Variants in ARHGAP39 observed in about 807,000 individuals in gnomAD.
ARHGAP39 encodes the protein rho GTPase-activating protein 39.
In ARHGAP39, 44 loss-of-function variants were observed where a neutral mutation model predicts 106.9. That is an observed-to-expected ratio of 0.41 (90% CI 0.32 to 0.53). The LOEUF is 0.53. ARHGAP39 is among the 20% of genes least tolerant of loss of function. The probability of loss-of-function intolerance (pLI) is 0.21; values close to 1 mark genes in which losing one functional copy is unlikely to be tolerated. For synonymous variants in ARHGAP39, 768 were observed against 693.2 expected (o/e 1.11, Z -1.69); for missense variants, 1,496 against 1,577.3 (o/e 0.95, Z 0.87).
intron 1 of ARHGAP39, among the ~76,000 whole-genome samples, chr8:144,653,565 G>A (rs1016984953): frequency 1.3e-5 from 2 of 152,140 alleles, no homozygotes; most frequent in African/African-American, 2.4e-5. Context: ...CTGGCCATCA[G>A]AGACTCTGAA....
At chr8:144,640,278 A>C (rs956587504) in intron 1 of ARHGAP39, among the ~76,000 whole-genome samples, 3 of 152,144 alleles carry the variant, frequency 2.0e-5, no homozygotes, top group Admixed American at 1.3e-4. Flanking sequence ...CTGTGTCCCC[A>C]CCCAAATCTC....
At chr8:144,692,887 G>A in the ARHGAP39 span, among the ~76,000 whole-genome samples, 1 of 150,424 alleles carries the variant, frequency 6.6e-6, no homozygotes, top group African/African-American at 2.5e-5. Flanking sequence ...AGCCTCCCGA[G>A]TAGCTGGGAT....
intron 4 of ARHGAP39, among the ~76,000 whole-genome samples, chr8:144,553,825 G>A (rs980264437): frequency 3.3e-5 from 5 of 152,242 alleles, no homozygotes; most frequent in East Asian, 1.9e-4. Context: ...GGGCTGGGCC[G>A]CCCAACGCAG....
the ARHGAP39 span, among the ~76,000 whole-genome samples, chr8:144,695,623 C>A: frequency 6.6e-6 from 1 of 152,112 alleles, no homozygotes; most frequent in African/African-American, 2.4e-5. Context: ...TTCTCTCGGC[C>A]TTGAAGAAGG....
At chr8:144,571,051 G>C (rs112412215) in intron 3 of ARHGAP39, among the ~76,000 whole-genome samples, 138 of 152,270 alleles carry the variant, frequency 9.1e-4, no homozygotes, top group African/African-American at 3.0e-3. Flanking sequence ...TCTACCAGAG[G>C]TACAGAGAGG....
In ARHGAP39 at chr8:144,591,030, G is replaced by C. The variant is rs1445558935; in HGVS notation, c.81-9753C>G. 2.0e-5 allele frequency among the ~76,000 whole-genome samples: 3 copies of C among 152,184 alleles called. No individual in the cohort carries two copies. The highest frequency in any genetic ancestry group is 4.4e-5 in the Non-Finnish European group (3 of 68,034). On this transcript the variant is annotated intron_variant, in intron 2 of 11. Transcript: ENST00000377307. The surrounding 1 kb of genome is among the most constrained non-coding windows in gnomAD (Gnocchi z 5.3). ...ACAGCTGGCACTGACCCTGGAGTGG[G>C]GCAATTCCTGGCAAAGCCCCCATCC... is the stretch of plus-strand genomic sequence containing the variant.
intron 1 of ARHGAP39, among the ~76,000 whole-genome samples, chr8:144,643,684 T>C (rs1338114504): frequency 6.6e-6 from 1 of 152,140 alleles, no homozygotes; most frequent in African/African-American, 2.4e-5. Flanking sequence ...TCCAGAGGAT[T>C]GTACTCAATG....
At chr8:144,618,803 C>T (rs1016830014) in intron 1 of ARHGAP39, among the ~76,000 whole-genome samples, 2 of 152,254 alleles carry the variant, frequency 1.3e-5, no homozygotes, top group Non-Finnish European at 2.9e-5. Context: ...CCCCAGCCCC[C>T]GGCACTGCCT....
chr8:144,540,878 G>C (rs1817161595), intron 6 of ARHGAP39, among the ~76,000 whole-genome samples: 1 of 152,208 alleles, frequency 6.6e-6, no homozygotes, highest in Admixed American at 6.5e-5. Flanking sequence ...ATTTGAAACA[G>C]TCTTGCTCTG....
At chr8:144,530,639 C>T (rs779631185) in intron 11 of ARHGAP39, 23 bp from the exon 12 acceptor site, 11 of 587,348 alleles carry the variant, frequency 1.9e-5, no homozygotes, top group South Asian at 1.5e-4. Flanking sequence ...CGAGGGTGGG[C>T]GCGGAGGGGC....
At chr8:144,667,016 T>C (rs1037319465) in intron 1 of ARHGAP39, among the ~76,000 whole-genome samples, 3 of 152,244 alleles carry the variant, frequency 2.0e-5, no homozygotes, top group African/African-American at 7.2e-5. Flanking sequence ...GCCAAGTTTC[T>C]GCTACAGATT....
intron 9 of ARHGAP39, 46 bp from the exon 10 acceptor site, chr8:144,532,442 G>C: frequency 1.3e-6 from 2 of 1,552,108 alleles, no homozygotes; most frequent in Non-Finnish European, 1.8e-6. Flanking sequence ...CCTGTGCTGC[G>C]GCTTCATGAT....
chr8:144,548,078 A>T lies in ARHGAP39; in HGVS notation c.1008T>A (p.Ala336=), dbSNP rs755365864. The T allele has an allele frequency of 1.3e-6, 2 of 1,595,156 alleles. No homozygotes were observed. Among genetic ancestry groups the T allele is most frequent in the Non-Finnish European group, 1.7e-6 (2 of 1,171,416 alleles). ...DEPPMDVQFE[A]GGGYQAGSPQ... ...GAGAGCCGGCCTGGTAGCCCCCGCC[A>T]GCCTCGAATTGCACGTCCATGGGGG... Residue 336 remains alanine (A), a synonymous_variant, in exon 5 of 12, where the codon GCT becomes GCA. Coordinates refer to ENST00000377307, the MANE Select transcript of ARHGAP39 (RefSeq NM_025251.3). The surrounding 1 kb of genome is among the most constrained non-coding windows in gnomAD (Gnocchi z 7.4).
Position 144,679,245 on chromosome 8 carries a change from G to A in ARHGAP39, c.-82+6441C>T, listed in dbSNP as rs1330986856. Among the ~76,000 whole-genome samples, 2 of 152,192 alleles carry A rather than the reference G, an allele frequency of 1.3e-5. No individual in the cohort carries two copies. The highest frequency in any genetic ancestry group is 6.5e-5 in the Admixed American group (1 of 15,284). On this transcript the variant is annotated intron_variant, in intron 1 of 11. Transcript: ENST00000377307. This position sits in a 1 kb window ranked among gnomAD's most constrained non-coding sequence, Gnocchi z 4.7. ...CCAGACAGCAGGTACGGGCTCCTCAGCTCTGCTCAGCACAGCGTCCGAGCA... is the reference window on the plus strand; with the variant it reads ...CCAGACAGCAGGTACGGGCTCCTCAACTCTGCTCAGCACAGCGTCCGAGCA...
chr8:144,680,120 C>A (rs1822365387), intron 1 of ARHGAP39, among the ~76,000 whole-genome samples: 1 of 152,198 alleles, frequency 6.6e-6, no homozygotes, highest in Admixed American at 6.5e-5. Flanking sequence ...CACCTTTGCT[C>A]CCAAAATGTG....
chr8:144,685,965 G>A (rs1211104458), upstream of ARHGAP39, among the ~76,000 whole-genome samples: 2 of 151,358 alleles, frequency 1.3e-5, no homozygotes, highest in East Asian at 3.9e-4. Flanking sequence ...CGCATGCGCT[G>A]GCGCGCGGCA....
At chr8:144,661,769 T>G (rs1442993695) in intron 1 of ARHGAP39, among the ~76,000 whole-genome samples, 1 of 151,992 alleles carries the variant, frequency 6.6e-6, no homozygotes, top group African/African-American at 2.4e-5. Context: ...CTTGGGCCAC[T>G]ACCCGCCTCT....
At chr8:144,536,412 G>A (rs1816955501) in intron 7 of ARHGAP39, among the ~76,000 whole-genome samples, 1 of 152,074 alleles carries the variant, frequency 6.6e-6, no homozygotes, top group South Asian at 2.1e-4. Context: ...ATGTCCCACT[G>A]GGCTCCACTC....
At chr8:144,639,581 C>G (rs1016000066) in intron 1 of ARHGAP39, among the ~76,000 whole-genome samples, 2 of 151,896 alleles carry the variant, frequency 1.3e-5, no homozygotes, top group Non-Finnish European at 2.9e-5. Flanking sequence ...ATACGTATTC[C>G]TGTCAATGGT....
Sources: allele counts gnomAD v4.1 joint callset (sites outside exome capture counted in the v4.1 genomes callset), GRCh38; gene constraint gnomAD v4.1.1; non-coding constraint Gnocchi (gnomAD v3.1); transcripts MANE v1.5; gene names NCBI Gene and HGNC (gene_info 2026-07-23, HGNC 2026-07-21).